The following HHATL variants were observed in gnomAD, a reference collection of about 807,000 sequenced individuals.
HHATL encodes hedgehog acyltransferase like, also known as protein-cysteine N-palmitoyltransferase HHAT-like protein.
Under a neutral mutation model 59.7 loss-of-function variants are expected in HHATL, and 49 were observed. That is an observed-to-expected ratio of 0.82 (90% CI 0.65 to 1.04). The LOEUF is 1.04. Ranked by LOEUF, HHATL falls within the 50% of genes least tolerant of loss-of-function variation. HHATL has a pLI of 0.00. For synonymous variants in HHATL, 238 were observed against 257.3 expected, an observed-to-expected ratio of 0.93 and a Z score of 0.72; for missense variants, 605 against 650.8, an observed-to-expected ratio of 0.93 and a Z score of 0.77.
chr3:42,693,022 G>A (rs1043708073), intron 11 of HHATL, 55 bp downstream of exon 11: 38 of 1,606,838 alleles, frequency 2.4e-5, no homozygotes, highest in Admixed American at 1.5e-4. Flanking sequence ...GGAAGGTCAC[G>A]GTCCTTGAGG....
intron 7 of HHATL, 115 bp from the exon 8 acceptor site, chr3:42,697,260 ACC>A: frequency 1.5e-6 from 2 of 1,315,666 alleles, no homozygotes; most frequent in South Asian, 1.6e-5. Flanking sequence ...CCCCACGGAG[ACC>A]CCCCCATATT....
At position 42,697,337 on chromosome 3, in the gene HHATL, A is replaced by G. The variant is rs78695267; in HGVS notation, c.865+171T>C. ...TGGGATGCTGCTCTGGCCCCACAGG[A>G]TGAAGCTAATGCCAAGACCCATGCA... On this transcript the variant is annotated intron_variant, in intron 7 of 11. Coordinates refer to ENST00000441594, the MANE Select transcript of HHATL (RefSeq NM_020707.4). Among the ~76,000 whole-genome samples, 482 of 152,272 alleles carry G rather than the reference A, an allele frequency of 3.2e-3. 3 individuals carry two copies. Among genetic ancestry groups the G allele is most frequent in the African/African-American group, 0.011 (449 of 41,530 alleles).
rs549224504 is a variant in HHATL at position 42,698,778 on chromosome 3, G to A, written c.413C>T (p.Pro138Leu). The A allele has an allele frequency of 1.6e-5, 26 of 1,612,550 alleles. No homozygotes were observed. Among genetic ancestry groups the A allele is most frequent in the Non-Finnish European group, 2.1e-5 (25 of 1,179,470 alleles). Reference sequence around the variant, plus strand: ...CAAGCCAAGGCCAAGACAGAGCCAGGGCTGGCCCAAAAGCGAGGCCACATA... The same window carrying A: ...CAAGCCAAGGCCAAGACAGAGCCAGAGCTGGCCCAAAAGCGAGGCCACATA... ...GLYVASLLGQPWLCLGLGLAS... is the reference protein window; with the variant it reads ...GLYVASLLGQLWLCLGLGLAS... Residue 138 changes from proline to leucine, a missense_variant, in exon 5 of 12, where the codon CCC becomes CTC. Pro to Leu is a moderately conservative substitution (Grantham distance 98, BLOSUM62 -3). Transcript: ENST00000441594.
rs376426134 is a variant in HHATL at position 42,699,021 on chromosome 3, G to C, written c.288+11C>G. Reference sequence around the variant, plus strand: ...GGCAGGGAGAGGCTGGGTGGCCCAGGTCCAGCTCACCTTTGGGGCAACCAT... The same window carrying C: ...GGCAGGGAGAGGCTGGGTGGCCCAGCTCCAGCTCACCTTTGGGGCAACCAT... On this transcript the variant is annotated intron_variant, in intron 4 of 11. Coordinates refer to ENST00000441594, the MANE Select transcript of HHATL (RefSeq NM_020707.4). 4.3e-6 allele frequency: 7 copies of C among 1,613,190 alleles called. No homozygotes were observed. The East Asian group carries it at 1.1e-4, about 26-fold the overall frequency.
chr3:42,693,983 G>C, intron 9 of HHATL, 165 bp from the exon 10 acceptor site: 1 of 625,786 alleles, frequency 1.6e-6, no homozygotes, highest in East Asian at 2.7e-5. Flanking sequence ...TCAAATTGTG[G>C]CAGGCTCAGC....
At position 42,693,784 on chromosome 3, in the gene HHATL, C is replaced by T. The variant is rs374515259; in HGVS notation, c.1081G>A (p.Ala361Thr). The change falls in exon 10 of 12, where the codon GCT becomes ACT. Residue 361 changes from alanine to threonine, a missense_variant. Coordinates refer to ENST00000441594, the MANE Select transcript of HHATL (RefSeq NM_020707.4). ...GTGGCTGCCAGCTCTGGGATCACAG[C>T]GGAATGCTCCCCACCAATGTGGTTA... is the stretch of plus-strand genomic sequence containing the variant. ...VYNHIGGEHS[A>T]VIPELAATVA... is the part of the protein sequence containing the mutation. The T allele has an allele frequency of 8.5e-4, 1,369 of 1,613,956 alleles. 24 individuals carry two copies. In the South Asian group the frequency reaches 0.014, roughly 17 times the overall value.
chr3:42,698,066 T>C, intron 6 of HHATL, 76 bp downstream of exon 6: 1 of 1,426,206 alleles, frequency 7.0e-7, no homozygotes. Context: ...CTTGGGGAAT[T>C]CTATCTGAGA....
At chr3:42,700,969 C>T (rs957081558) in intron 1 of HHATL, 130 bp from the exon 2 acceptor site, 1 of 630,608 alleles carries the variant, frequency 1.6e-6, no homozygotes, top group African/African-American at 1.8e-5. Context: ...GGACCTTGTA[C>T]CATCACTCTG....
At chr3:42,699,440 G>A (rs891240283) in intron 3 of HHATL, among the ~76,000 whole-genome samples, 7 of 152,106 alleles carry the variant, frequency 4.6e-5, no homozygotes, top group Non-Finnish European at 1.0e-4. Context: ...GGGGCTGCCG[G>A]GTCGCTTGAA....
chr3:42,692,929 C>T, intron 11 of HHATL, 54 bp from the exon 12 acceptor site: 2 of 1,596,944 alleles, frequency 1.3e-6, no homozygotes. Flanking sequence ...TCCTCAGCGA[C>T]TTTTGTCTTC....
At chr3:42,693,239 T>A in intron 10 of HHATL, 21 bp from the exon 11 acceptor site, 1 of 1,611,986 alleles carries the variant, frequency 6.2e-7, no homozygotes, top group South Asian at 1.1e-5. Context: ...CAGGAAAGCA[T>A]GGGCAGCGGG....
At chr3:42,699,722 C>T (rs372726542) in intron 3 of HHATL, 36 bp downstream of exon 3, 12 of 1,538,418 alleles carry the variant, frequency 7.8e-6, no homozygotes, top group South Asian at 3.6e-5. Context: ...GAGAAGGGTT[C>T]GGGATGGGAG....
At chr3:42,692,938 T>C in intron 11 of HHATL, 63 bp from the exon 12 acceptor site, 1 of 1,590,002 alleles carries the variant, frequency 6.3e-7, no homozygotes, top group East Asian at 2.2e-5. Flanking sequence ...ACTTTTGTCT[T>C]CCCACCCCTC....
chr3:42,693,923 G>A, intron 9 of HHATL, 105 bp from the exon 10 acceptor site: 1 of 928,100 alleles, frequency 1.1e-6, no homozygotes, highest in Non-Finnish European at 1.7e-6. Context: ...GTCACCCTGG[G>A]TGCATTCAAC....
chr3:42,700,031 T>G (rs1001338234), intron 2 of HHATL, among the ~76,000 whole-genome samples: 5 of 150,042 alleles, frequency 3.3e-5, no homozygotes, highest in South Asian at 2.1e-4. Flanking sequence ...TGTGTTGGGG[T>G]GTGTGTGTAT....
chr3:42,692,984 G>C (rs759419383), intron 11 of HHATL, 93 bp downstream of exon 11: 1 of 1,587,818 alleles, frequency 6.3e-7, no homozygotes, highest in Non-Finnish European at 8.6e-7. Flanking sequence ...TGAGTCCCAG[G>C]GGTGATGAGG....
rs1297317132 is a variant in HHATL at position 42,692,795 on chromosome 3, C to T, written c.1471G>A (p.Ala491Thr). The T allele has an allele frequency of 6.2e-7, 1 of 1,614,244 alleles. No individual in the cohort carries two copies. The highest frequency in any genetic ancestry group is 8.5e-7 in the Non-Finnish European group (1 of 1,180,046). The change falls in exon 12 of 12, where the codon GCA becomes ACA. Residue 491 changes from alanine to threonine, a missense_variant. Coordinates refer to ENST00000441594, the MANE Select transcript of HHATL (RefSeq NM_020707.4). ...QLVKERERTLALEEEQKQDKE... is the reference protein window; with the variant it reads ...QLVKERERTLTLEEEQKQDKE... The stretch of plus-strand genomic sequence containing the variant: ...TCCTGCTTCTGCTCCTCCTCCAGTG[C>T]CAAGGTTCGCTCACGCTCCTTTACC...
chr3:42,695,510 A>C (rs916220544), intron 9 of HHATL, among the ~76,000 whole-genome samples: 3 of 152,290 alleles, frequency 2.0e-5, no homozygotes, highest in African/African-American at 7.2e-5. Flanking sequence ...CTCAGTGCCA[A>C]GATTTCTCTA....
chr3:42,694,806 C>T (rs1697534193), intron 9 of HHATL, among the ~76,000 whole-genome samples: 1 of 152,222 alleles, frequency 6.6e-6, no homozygotes, highest in South Asian at 2.1e-4. Context: ...AGAAGCCTGC[C>T]TAGACCCCGA....
Sources: gnomAD v4.1 joint callset for allele counts (sites outside exome capture counted in the v4.1 genomes callset) on GRCh38, gnomAD v4.1.1 for gene constraint, MANE v1.5 for transcripts, NCBI Gene and HGNC (gene_info 2026-07-23, HGNC 2026-07-21) for gene names.